Variants in CNRIP1 observed in about 807,000 individuals in gnomAD.
CNRIP1 encodes cannabinoid receptor interacting protein 1.
Under a neutral mutation model 15.2 loss-of-function variants are expected in CNRIP1, and 10 were observed. That is an observed-to-expected ratio of 0.66 (90% CI 0.41 to 1.12). The LOEUF (loss-of-function observed/expected upper bound fraction) is 1.12. Among genes scored for constraint, CNRIP1 ranks in the 50% most tolerant of loss-of-function variants. CNRIP1 has a pLI of 0.00. For missense variants in CNRIP1, 211 were observed against 214.7 expected (o/e 0.98, Z 0.11); for synonymous variants, 91 against 83.2 (o/e 1.09, Z -0.51).
chr2:68,318,891 C>A (rs951793726), intron 1 of CNRIP1, among the ~76,000 whole-genome samples: 1 of 152,270 alleles, frequency 6.6e-6, no homozygotes, highest in East Asian at 1.9e-4. Context: ...TCCACCCCGA[C>A]CGCCTGCGGT....
intron 2 of CNRIP1, among the ~76,000 whole-genome samples, chr2:68,304,640 T>TTTTTTA (rs1671742489): frequency 1.5e-5 from 2 of 131,854 alleles, no homozygotes; most frequent in African/African-American, 5.8e-5. Context: ...TTTTTTTTTT[T>TTTTTTA]GAGACAGAGT....
At chr2:68,298,902 C>T (rs559809094) in intron 2 of CNRIP1, among the ~76,000 whole-genome samples, 6 of 152,296 alleles carry the variant, frequency 3.9e-5, no homozygotes, top group South Asian at 4.1e-4. Context: ...ACTCCCTCCC[C>T]GCCCATCTGT....
Position 68,293,907 on chromosome 2 carries a change from G to A in CNRIP1, c.450C>T (p.Asn150=), listed in dbSNP as rs766533341. 9.3e-5 allele frequency: 150 copies of A among 1,613,950 alleles called. 2 individuals carry two copies. The South Asian group carries it at 1.3e-3, about 14-fold the overall frequency. ...TCACCCACATCAGACTGCGTGTCTCGTTGGGCTTGCATTCATACTCAATGA... is the reference window on the plus strand; with the variant it reads ...TCACCCACATCAGACTGCGTGTCTCATTGGGCTTGCATTCATACTCAATGA... ...FSVIEYECKP[N]ETRSLMWVNK... is the part of the protein sequence containing the mutation. Residue 150 remains asparagine (N), a synonymous_variant, in exon 3 of 3, where the codon AAC becomes AAT. Coordinates refer to ENST00000263655, the MANE Select transcript of CNRIP1 (RefSeq NM_015463.3).
chr2:68,290,663 G>A (rs1333032629), downstream of CNRIP1, among the ~76,000 whole-genome samples: 1 of 152,166 alleles, frequency 6.6e-6, no homozygotes, highest in African/African-American at 2.4e-5. Context: ...CACCCCACAT[G>A]TTAGAATTGT....
At chr2:68,310,388 G>A (rs1672031050) in intron 2 of CNRIP1, among the ~76,000 whole-genome samples, 1 of 152,148 alleles carries the variant, frequency 6.6e-6, no homozygotes, top group Non-Finnish European at 1.5e-5. Flanking sequence ...GAACCTCAGG[G>A]TGGGTATATC....
Position 68,293,779 on chromosome 2 carries a change from C to A in CNRIP1, c.*83G>T, listed in dbSNP as rs879060347. 5.0e-4 allele frequency: 766 copies of A among 1,524,008 alleles called. No homozygotes were observed. The highest frequency in any genetic ancestry group is 2.3e-3 in the Middle Eastern group (12 of 5,286). 94.4% of individuals were successfully genotyped at this position (1,524,008 alleles called of 1,614,324 possible). A position where few individuals can be genotyped will look rare whatever the true frequency, so the allele number is the denominator to read the frequency against. ...CAGATGGGGAACAGCAATGGTGTGG[C>A]ATGCCTTGTTTAAGGCCTGCGCTGG... On this transcript the variant is annotated 3_prime_UTR_variant, in exon 3 of 3. Coordinates refer to ENST00000263655, the MANE Select transcript of CNRIP1 (RefSeq NM_015463.3).
At chr2:68,317,682 A>T (rs1672326418) in intron 1 of CNRIP1, among the ~76,000 whole-genome samples, 1 of 152,144 alleles carries the variant, frequency 6.6e-6, no homozygotes, top group Admixed American at 6.5e-5. Context: ...CAAGCCTTCT[A>T]CACCATCAGA....
In CNRIP1 at chr2:68,319,331, A is replaced by C. The variant is rs369401112; in HGVS notation, c.70T>G (p.Phe24Val). The C allele has an allele frequency of 1.3e-6, 2 of 1,569,988 alleles. No homozygotes were observed. Among genetic ancestry groups the C allele is most frequent in the Admixed American group, 3.7e-5 (2 of 54,144 alleles). ...AAGCGCTGCCCGTCCACCTTGTAAAAGACCGGGCCGTCATTAGGCTGGATG... is the reference window on the plus strand; with the variant it reads ...AAGCGCTGCCCGTCCACCTTGTAAACGACCGGGCCGTCATTAGGCTGGATG... The part of the protein sequence containing the change: ...LRIQPNDGPV[F>V]YKVDGQRFGQ... Residue 24 changes from phenylalanine (F) to valine (V), a missense_variant, in exon 1 of 3, where the codon TTT becomes GTT. Coordinates refer to ENST00000263655, the MANE Select transcript of CNRIP1 (RefSeq NM_015463.3).
At chr2:68,297,113 C>G (rs1410370733) in intron 2 of CNRIP1, among the ~76,000 whole-genome samples, 4 of 151,926 alleles carry the variant, frequency 2.6e-5, no homozygotes, top group Non-Finnish European at 5.9e-5. Flanking sequence ...TTAACGATTA[C>G]TTTACCAGAA....
rs542961168 is a variant in CNRIP1 at position 68,305,445 on chromosome 2, G to A, written c.331-11419C>T. The stretch of plus-strand genomic sequence containing the variant: ...CAAGTCCCTGGATTATTCAGATTTC[G>A]TCAAGGGAAATGTCATCAGTGTGGG... On this transcript the variant is annotated intron_variant, in intron 2 of 2. Coordinates refer to ENST00000263655, the MANE Select transcript of CNRIP1 (RefSeq NM_015463.3). Among the ~76,000 whole-genome samples, 8 of 151,802 alleles carry A rather than the reference G, an allele frequency of 5.3e-5. No individual in the cohort carries two copies. The South Asian group carries it at 6.2e-4, about 12-fold the overall frequency.
intron 2 of CNRIP1, among the ~76,000 whole-genome samples, chr2:68,298,880 T>C (rs542998776): frequency 2.0e-5 from 3 of 152,338 alleles, no homozygotes; most frequent in Non-Finnish European, 2.9e-5. Context: ...GGAACAATTA[T>C]ACAGGCTCTT....
At chr2:68,317,056 T>A (rs2103694529) in intron 2 of CNRIP1, 101 bp downstream of exon 2, 3 of 1,427,540 alleles carry the variant, frequency 2.1e-6, no homozygotes, top group Non-Finnish European at 3.0e-6. Context: ...AGTAATTGGC[T>A]CCCAACACAC....
intron 2 of CNRIP1, among the ~76,000 whole-genome samples, chr2:68,300,351 G>A (rs991960139): frequency 6.6e-6 from 1 of 152,194 alleles, no homozygotes; most frequent in Non-Finnish European, 1.5e-5. Flanking sequence ...GGGTGCAGTG[G>A]CTCATGCTGG....
chr2:68,309,701 C>T (rs1037940520), intron 2 of CNRIP1, among the ~76,000 whole-genome samples: 3 of 152,068 alleles, frequency 2.0e-5, no homozygotes, highest in African/African-American at 7.2e-5. Flanking sequence ...TTGGAAGTGG[C>T]AGAAGACAGC....
chr2:68,304,126 T>C (rs893808784), intron 2 of CNRIP1, among the ~76,000 whole-genome samples: 2 of 150,722 alleles, frequency 1.3e-5, no homozygotes, highest in Admixed American at 6.6e-5. Flanking sequence ...AGGGGGTGCA[T>C]GCCTGTAATC....
intron 2 of CNRIP1, among the ~76,000 whole-genome samples, chr2:68,298,893 C>T (rs1671490382): frequency 6.6e-6 from 1 of 152,214 alleles, no homozygotes. Context: ...AGGCTCTTCA[C>T]TCCCTCCCCG....
At position 68,319,539 on chromosome 2, in the gene CNRIP1, A is replaced by G; in HGVS notation, c.-139T>C. On this transcript the variant is annotated 5_prime_UTR_variant, in exon 1 of 3. Coordinates refer to ENST00000263655, the MANE Select transcript of CNRIP1 (RefSeq NM_015463.3). ...GGTGGAGCTGAGGCTGCCGCTAGGA[A>G]CCCGCGCCGTCGCCGCCGTCCGCCC... The G allele has an allele frequency of 1.1e-6, 1 of 900,040 alleles. No homozygotes were observed. The highest frequency in any genetic ancestry group is 1.9e-5 in the South Asian group (1 of 51,502). The allele number at this position is 900,040 out of a possible 1,614,324, so 55.8% of individuals were successfully genotyped here. A position where few individuals can be genotyped will look rare whatever the true frequency, so the allele number is the denominator to read the frequency against.
intron 2 of CNRIP1, among the ~76,000 whole-genome samples, chr2:68,310,544 A>C (rs1477083905): frequency 6.6e-6 from 1 of 152,198 alleles, no homozygotes; most frequent in African/African-American, 2.4e-5. Context: ...GGAAGATAGA[A>C]TTTGAAGTTT....
intron 2 of CNRIP1, among the ~76,000 whole-genome samples, chr2:68,305,259 A>AAAAAAATATAT (rs1267101468): frequency 1.0e-5 from 1 of 100,366 alleles, no homozygotes; most frequent in African/African-American, 3.6e-5. Flanking sequence ...AAAAAAAAAA[A>AAAAAAATATAT]ATATATATAT....
Sources: gnomAD v4.1 joint callset for allele counts (sites outside exome capture counted in the v4.1 genomes callset) on GRCh38, gnomAD v4.1.1 for gene constraint, MANE v1.5 for transcripts, NCBI Gene and HGNC (gene_info 2026-07-23, HGNC 2026-07-21) for gene names.